Variants in SBK1 observed in about 807,000 individuals in gnomAD.
SBK1 encodes the protein serine/threonine-protein kinase SBK1.
A neutral mutation model predicts 24.4 loss-of-function variants in SBK1; 11 were observed. That is an observed-to-expected ratio of 0.45 (90% CI 0.28 to 0.75). The LOEUF is 0.75. Among genes scored for constraint, SBK1 ranks in the 30% least tolerant of loss-of-function variants. The probability of loss-of-function intolerance (pLI) is 0.12; values close to 1 mark genes in which losing one functional copy is unlikely to be tolerated. For synonymous variants in SBK1, 308 were observed against 284.4 expected (o/e 1.08, Z -0.83); for missense variants, 467 against 620.5 (o/e 0.75, Z 2.63).
rs148020532 is a variant in SBK1, at chr16:28,316,822, T to A, written c.-7-563T>A. 2.6e-3 allele frequency among the ~76,000 whole-genome samples: 390 copies of A among 152,234 alleles called. 4 individuals are homozygous for A. The highest frequency in any genetic ancestry group is 0.017 in the East Asian group (89 of 5,180). ...TAAGCCTGGGAGGTCGAGGCTGCAG[T>A]GAGCTGTGATTGCGCCACTGCACTC... On this transcript the variant is annotated intron_variant, in intron 1 of 3. Transcript: ENST00000341901.
At chr16:28,285,239 C>T (rs1235021637) in intron 1 of SBK1, 1 of 152,150 alleles carries the variant, frequency 6.6e-6, no homozygotes, top group Admixed American at 6.5e-5. Flanking sequence ...GCACCTGGCT[C>T]GTGTGTCAGA....
rs550055667 is a variant in SBK1, at chr16:28,277,084, C to T, written c.257+17582C>T. 2.0e-3 allele frequency among the ~76,000 whole-genome samples: 297 copies of T among 152,056 alleles called. 7 individuals carry two copies. In the South Asian group the frequency reaches 0.06, roughly 31 times the overall value. The stretch of plus-strand genomic sequence containing the variant: ...GAGCAGGTGAGGTGTGGGGTCGTTA[C>T]GCAGGCTGGGGTGTGGGCCTGGGAG... On this transcript the variant is annotated intron_variant, in intron 1 of 3. Coordinates refer to the SBK1 transcript ENST00000671413.
rs545500591 is a variant in SBK1 at position 28,265,086 on chromosome 16, CAT to C, written c.257+5586_257+5587del. On this transcript the variant is annotated intron_variant, in intron 1 of 3. Transcript: ENST00000671413. Reference sequence around the variant, plus strand: ...CAGGATTCGAAACCAGCCAGGGAAACATAGGGAGACCCCCATCTCTACAACAA... The same window carrying C: ...CAGGATTCGAAACCAGCCAGGGAAACAGGGAGACCCCCATCTCTACAACAA... Among the ~76,000 whole-genome samples the C allele has an allele frequency of 3.3e-5, 5 of 151,050 alleles. No individual in the cohort carries two copies. The South Asian group carries it at 8.4e-4, about 25-fold the overall frequency.
Position 28,321,037 on chromosome 16 carries a change from C to G in SBK1, c.*116C>G, listed in dbSNP as rs1567681997. On this transcript the variant is annotated 3_prime_UTR_variant, in exon 4 of 4. Coordinates refer to ENST00000341901, the MANE Select transcript of SBK1 (RefSeq NM_001024401.3). ...GCGGGGCAGGGGGCGCAGCGGTAGA[C>G]TAGGCAGGACGCGGCCCGGCACCTG... 1 of 992,050 alleles carries G rather than the reference C, an allele frequency of 1.0e-6. No individual in the cohort carries two copies. The highest frequency in any genetic ancestry group is 1.3e-6 in the Non-Finnish European group (1 of 756,276). The allele number at this position is 992,050 out of a possible 1,614,324, so 61.5% of individuals were successfully genotyped here.
chr16:28,297,884 G>A (rs937536658), intron 1 of SBK1, among the ~76,000 whole-genome samples: 1 of 152,204 alleles, frequency 6.6e-6, no homozygotes, highest in Non-Finnish European at 1.5e-5. Flanking sequence ...GTGAAGTGGA[G>A]CTTGCCCCTG....
At chr16:28,295,435 T>TCAAAAA (rs2044631713) in intron 1 of SBK1, among the ~76,000 whole-genome samples, 1 of 152,170 alleles carries the variant, frequency 6.6e-6, no homozygotes, top group Admixed American at 6.5e-5. Flanking sequence ...TGACCTGAGC[T>TCAAAAA]GGCACGTAGT....
chr16:28,274,958 A>C (rs2044487243), intron 1 of SBK1, among the ~76,000 whole-genome samples: 2 of 152,184 alleles, frequency 1.3e-5, no homozygotes, highest in African/African-American at 4.8e-5. Context: ...AGCAATGTAA[A>C]CATGGTATGT....
intron 1 of SBK1, among the ~76,000 whole-genome samples, chr16:28,297,193 C>A (rs781440621): frequency 6.6e-6 from 1 of 151,972 alleles, no homozygotes; most frequent in Non-Finnish European, 1.5e-5. Flanking sequence ...TAGCCAGGTG[C>A]GGTGGCATAT....
upstream of SBK1, among the ~76,000 whole-genome samples, chr16:28,288,416 C>T (rs1405021848): frequency 6.6e-6 from 1 of 152,206 alleles, no homozygotes; most frequent in African/African-American, 2.4e-5. Context: ...CACTACTCAG[C>T]TCTACCATGG....
At chr16:28,277,456 C>G (rs969687412) in intron 1 of SBK1, among the ~76,000 whole-genome samples, 4 of 152,072 alleles carry the variant, frequency 2.6e-5, no homozygotes, top group African/African-American at 9.7e-5. Flanking sequence ...GCAGGAAGAT[C>G]ACTTGAGACC....
intron 1 of SBK1, among the ~76,000 whole-genome samples, chr16:28,273,277 A>G (rs969237115): frequency 2.6e-5 from 4 of 151,324 alleles, no homozygotes; most frequent in Non-Finnish European, 5.9e-5. Flanking sequence ...CTAGAGTGCA[A>G]TGGCGCAGTC....
In SBK1 at chr16:28,272,970, T is replaced by G. The variant is rs112849282; in HGVS notation, c.257+13468T>G. Among the ~76,000 whole-genome samples the G allele has an allele frequency of 3.6e-3, 547 of 152,170 alleles. 2 individuals carry two copies. The highest frequency in any genetic ancestry group is 0.013 in the African/African-American group (528 of 41,514). ...ATTGTAGTAGTCCCTGTTGCATGTA[T>G]AGATCACATTTTTTTCATCCATTCA... On this transcript the variant is annotated intron_variant, in intron 1 of 3. Transcript: ENST00000671413.
intron 1 of SBK1, chr16:28,286,837 C>G (rs35668196): frequency 0.083 from 12,705 of 152,524 alleles, 845 homozygotes; most frequent in African/African-American, 0.18. Context: ...CAACTGAACA[C>G]AGTGGCTCAT....
At chr16:28,288,466 G>A (rs1316935763), upstream of SBK1, among the ~76,000 whole-genome samples, 2 of 152,190 alleles carry the variant, frequency 1.3e-5, no homozygotes, top group Admixed American at 6.5e-5. Flanking sequence ...ACTTTGAAGA[G>A]GGAGATTAGT....
intron 1 of SBK1, among the ~76,000 whole-genome samples, chr16:28,273,467 G>A (rs2044479192): frequency 6.6e-6 from 1 of 151,742 alleles, no homozygotes; most frequent in Admixed American, 6.6e-5. Flanking sequence ...CAGGTGATCC[G>A]CCTGCCTCGG....
intron 1 of SBK1, among the ~76,000 whole-genome samples, chr16:28,277,502 C>T (rs368751294): frequency 1.3e-5 from 2 of 152,200 alleles, no homozygotes; most frequent in African/African-American, 4.8e-5. Context: ...TACAGTGAGA[C>T]CCCCGTCTCC....
At chr16:28,281,309 C>A (rs1454260480) in intron 1 of SBK1, among the ~76,000 whole-genome samples, 1 of 152,196 alleles carries the variant, frequency 6.6e-6, no homozygotes, top group South Asian at 2.1e-4. Flanking sequence ...CCACCCCAGC[C>A]TGCCTCCTCC....
At position 28,292,554 on chromosome 16, in the gene SBK1, G is replaced by C; in HGVS notation, c.-754G>C. 1 of 979,382 alleles carries C rather than the reference G, an allele frequency of 1.0e-6. No homozygotes were observed. Among genetic ancestry groups the C allele is most frequent in the Non-Finnish European group, 1.2e-6 (1 of 827,250 alleles). The allele number at this position is 979,382 out of a possible 1,614,324, so 60.7% of individuals were successfully genotyped here. A position where few individuals can be genotyped will look rare whatever the true frequency, so the allele number is the denominator to read the frequency against. ...CCGCGATGGAGCGCAGCCCGGGCGG[G>C]CGCCGGGGCCGGGGCCCGAGCGCCA... On this transcript the variant is annotated 5_prime_UTR_variant, in exon 1 of 4. Transcript: ENST00000341901.
intron 1 of SBK1, among the ~76,000 whole-genome samples, chr16:28,269,661 A>C (rs1445179887): frequency 6.6e-6 from 1 of 150,642 alleles, no homozygotes; most frequent in Non-Finnish European, 1.5e-5. Context: ...TGAGGTCAGG[A>C]GTTTGAGACC....
Sources: gnomAD v4.1 joint callset for allele counts (sites outside exome capture counted in the v4.1 genomes callset) on GRCh38, gnomAD v4.1.1 for gene constraint, MANE v1.5 for transcripts, NCBI Gene and HGNC (gene_info 2026-07-23, HGNC 2026-07-21) for gene names.